ATXN2L: variants seen among roughly 807,000 people sequenced by gnomAD.
ATXN2L encodes ataxin 2 like, also known as ataxin-2-like protein.
A neutral mutation model predicts 120.7 loss-of-function variants in ATXN2L; 24 were observed. The ratio of observed to expected loss-of-function variants is 0.20; its 90% confidence interval spans 0.14 to 0.28. ATXN2L has a LOEUF of 0.28. Ranked by LOEUF, ATXN2L falls within the 10% of genes least tolerant of loss-of-function variation. The probability of loss-of-function intolerance (pLI) is 1.00; values close to 1 mark genes in which losing one functional copy is unlikely to be tolerated. For missense variants in ATXN2L, 1,312 were observed against 1,432.3 expected (o/e 0.92, Z 1.36); for synonymous variants, 653 against 568.1 (o/e 1.15, Z -2.13).
intron 18 of ATXN2L, 105 bp from the exon 19 acceptor site, chr16:28,834,953 G>A (rs1959673081): frequency 1.4e-6 from 2 of 1,423,800 alleles, no homozygotes; most frequent in South Asian, 1.3e-5. Flanking sequence ...GAATCAATAG[G>A]GTGATTGTGA....
In ATXN2L at chr16:28,823,024, G is replaced by A. The variant is rs1207523609; in HGVS notation, c.-236G>A. 21 of 212,154 alleles carry A rather than the reference G, an allele frequency of 9.9e-5. 1 individual carries two copies. In the Admixed American group the frequency reaches 1.2e-3, roughly 12 times the overall value. The allele number at this position is 212,154 out of a possible 1,614,324, so 13.1% of individuals were successfully genotyped here. On this transcript the variant is annotated 5_prime_UTR_variant, in exon 1 of 22. Coordinates refer to ENST00000336783, the MANE Select transcript of ATXN2L (RefSeq NM_007245.4). Reference sequence around the variant, plus strand: ...GGCGACGCGCACGCGCGCCAGCCCGGCTCGCGCCCTCTCGCTTTCCTCCAG... The same window carrying A: ...GGCGACGCGCACGCGCGCCAGCCCGACTCGCGCCCTCTCGCTTTCCTCCAG...
intron 1 of ATXN2L, chr16:28,824,487 C>T (rs564761829): frequency 1.6e-6 from 2 of 1,288,074 alleles, no homozygotes; most frequent in Non-Finnish European, 2.0e-6. Context: ...CCTCAACCGC[C>T]GGTTACATCA....
chr16:28,824,642 TTG>T (rs2051116778), intron 1 of ATXN2L: 20 of 1,159,152 alleles, frequency 1.7e-5, no homozygotes, highest in Non-Finnish European at 2.2e-5. Flanking sequence ...CTGAAAATGA[TTG>T]TCTTTTCTGT....
intron 1 of ATXN2L, chr16:28,824,317 G>A: frequency 8.3e-7 from 1 of 1,200,530 alleles, no homozygotes; most frequent in Non-Finnish European, 1.1e-6. Context: ...GGAATTAAGA[G>A]TGGCAGCACA....
Position 28,827,021 on chromosome 16 carries a change from A to C in ATXN2L, c.741+35A>C, listed in dbSNP as rs539553298. On this transcript the variant is annotated intron_variant, in intron 6 of 21. Transcript: ENST00000336783. ...CCTTCCCTGAGAACTTGGGAGCTGG[A>C]CAGACAGAATGGGTTGTTGACAGTG... 1.1e-5 allele frequency: 16 copies of C among 1,411,300 alleles called. No homozygotes were observed. In the South Asian group the frequency reaches 2.7e-4, roughly 24 times the overall value. 87.4% of individuals were successfully genotyped at this position (1,411,300 alleles called of 1,614,324 possible).
Position 28,823,568 on chromosome 16 carries a change from G to A in ATXN2L, c.299+10G>A. The stretch of plus-strand genomic sequence containing the variant: ...CCATCGGCAGCGCCAGGTGAGAAGG[G>A]TGGGCTCCGGGCGAGGGAGCCGCGG... On this transcript the variant is annotated intron_variant, in intron 1 of 21. Coordinates refer to ENST00000336783, the MANE Select transcript of ATXN2L (RefSeq NM_007245.4). The A allele has an allele frequency of 1.5e-6, 2 of 1,329,376 alleles. No homozygotes were observed. The highest frequency in any genetic ancestry group is 9.6e-7 in the Non-Finnish European group (1 of 1,043,112). The allele number at this position is 1,329,376 out of a possible 1,614,324, so 82.3% of individuals were successfully genotyped here.
intron 2 of ATXN2L, 107 bp from the exon 3 acceptor site, chr16:28,825,517 C>A: frequency 6.5e-7 from 1 of 1,531,706 alleles, no homozygotes; most frequent in Non-Finnish European, 9.0e-7. Context: ...GGGCTGTGGG[C>A]CCGGCACACA....
chr16:28,824,551 C>A (rs1287731674), intron 1 of ATXN2L: 3 of 1,286,166 alleles, frequency 2.3e-6, no homozygotes, highest in Middle Eastern at 2.1e-4. Flanking sequence ...GAGTGGGTAA[C>A]GGGCTGAATG....
At chr16:28,828,845 T>C (rs1471914364) in intron 6 of ATXN2L, among the ~76,000 whole-genome samples, 2 of 151,898 alleles carry the variant, frequency 1.3e-5, no homozygotes, top group Non-Finnish European at 2.9e-5. Flanking sequence ...AACCTCTGCC[T>C]CCCAGGTTCA....
Position 28,823,417 on chromosome 16 carries a change from C to T in ATXN2L, c.158C>T (p.Ala53Val), listed in dbSNP as rs761101605. Residue 53 changes from alanine (A) to valine (V), a missense_variant, in exon 1 of 22, where the codon GCG (alanine) becomes GTG (valine). Transcript: ENST00000336783. ...TCTGCGGCTCCTCCCGGGCCTCCAG[C>T]GGCCGCCTCCCCCTGCCTGGGGCCT... ...ATSAAPPGPP[A>V]AASPCLGPVA... 12 of 1,303,888 alleles carry T rather than the reference C, an allele frequency of 9.2e-6. No homozygotes were observed. In the South Asian group the frequency reaches 2.5e-4, roughly 27 times the overall value. 80.8% of individuals were successfully genotyped at this position (1,303,888 alleles called of 1,614,324 possible).
At position 28,835,541 on chromosome 16, in the gene ATXN2L, C is replaced by T. The variant is rs775801005; in HGVS notation, c.2686-8C>T. The T allele has an allele frequency of 6.2e-7, 1 of 1,613,230 alleles. No individual in the cohort carries two copies. ...CTGTGTGGCACTCAACCTTCCCCTC[C>T]CCAGCAGCATCAGGCGGGGCAGGCC... On this transcript the variant is annotated splice_region_variant and splice_polypyrimidine_tract_variant and intron_variant, in intron 20 of 21. Coordinates refer to ENST00000336783, the MANE Select transcript of ATXN2L (RefSeq NM_007245.4).
At position 28,836,618 on chromosome 16, in the gene ATXN2L, G is replaced by A; in HGVS notation, c.*353G>A. The A allele has an allele frequency of 1.3e-6, 2 of 1,597,336 alleles. No individual in the cohort carries two copies. The highest frequency in any genetic ancestry group is 1.7e-6 in the Non-Finnish European group (2 of 1,174,010). On this transcript the variant is annotated 3_prime_UTR_variant, in exon 22 of 22. Coordinates refer to ENST00000336783, the MANE Select transcript of ATXN2L (RefSeq NM_007245.4). ...GACAGCCCCCGAGACACCTTGAGGA[G>A]GCCGCTCCTTCCCAGACACACCCCC... is the stretch of plus-strand genomic sequence containing the variant.
intron 6 of ATXN2L, 55 bp downstream of exon 6, chr16:28,827,041 A>G (rs1295698719): frequency 2.9e-6 from 4 of 1,361,030 alleles, no homozygotes; most frequent in Non-Finnish European, 3.8e-6. Flanking sequence ...TGGGTTGTTG[A>G]CAGTGAGGTT....
In ATXN2L at chr16:28,823,043, C is replaced by A. The variant is rs575769191; in HGVS notation, c.-217C>A. On this transcript the variant is annotated 5_prime_UTR_variant, in exon 1 of 22. Transcript: ENST00000336783. ...AGCCCGGCTCGCGCCCTCTCGCTTT[C>A]CTCCAGCCGCGAGACCCCCTCCCCT... 3.0e-4 allele frequency: 94 copies of A among 314,778 alleles called. 1 individual carries two copies. Among genetic ancestry groups the A allele is most frequent in the African/African-American group, 1.7e-3 (77 of 45,230 alleles). The allele number at this position is 314,778 out of a possible 1,614,324, so 19.5% of individuals were successfully genotyped here.
In ATXN2L at chr16:28,829,948, G is replaced by A. The variant is rs375741616; in HGVS notation, c.924G>A (p.Gln308=). The change falls in exon 8 of 22, where the codon CAG becomes CAA. Residue 308 remains glutamine (Q), a synonymous_variant. Transcript: ENST00000336783. ...CTCGAGAGATTGAATCAAGCCCCCAGTACCGCCTACGGATCGCCATGGAGA... is the reference window on the plus strand; with the variant it reads ...CTCGAGAGATTGAATCAAGCCCCCAATACCGCCTACGGATCGCCATGGAGA... The part of the protein sequence containing the change: ...QLAREIESSP[Q]YRLRIAMEND... 25 of 1,614,104 alleles carry A rather than the reference G, an allele frequency of 1.5e-5. No individual in the cohort carries two copies. Among genetic ancestry groups the A allele is most frequent in the Non-Finnish European group, 2.1e-5 (25 of 1,180,058 alleles).
In ATXN2L at chr16:28,834,655, C is replaced by T; in HGVS notation, c.2395C>T (p.Pro799Ser). The T allele has an allele frequency of 6.2e-7, 1 of 1,613,930 alleles. No homozygotes were observed. Among genetic ancestry groups the T allele is most frequent in the Non-Finnish European group, 8.5e-7 (1 of 1,179,950 alleles). The change falls in exon 18 of 22, where the codon CCA becomes TCA. Residue 799 changes from proline to serine, a missense_variant. By Grantham distance (74) the Pro-to-Ser change is moderately conservative. Coordinates refer to ENST00000336783, the MANE Select transcript of ATXN2L (RefSeq NM_007245.4). ...CAACCCTCAGCAGTTCCCAGGCCAG[C>T]CAGCCATGATGCAGCCCATGGCCCA... ...PYNPQQFPGQPAMMQPMAHYP... is the reference protein window; with the variant it reads ...PYNPQQFPGQSAMMQPMAHYP...
Position 28,832,191 on chromosome 16 carries a change from C to G in ATXN2L, c.1322-14C>G. 6.2e-7 allele frequency: 1 copy of G among 1,613,958 alleles called. No homozygotes were observed. The highest frequency in any genetic ancestry group is 8.5e-7 in the Non-Finnish European group (1 of 1,179,896). On this transcript the variant is annotated splice_polypyrimidine_tract_variant and intron_variant, in intron 10 of 21. Coordinates refer to ENST00000336783, the MANE Select transcript of ATXN2L (RefSeq NM_007245.4). The stretch of plus-strand genomic sequence containing the variant: ...CCAGCAGTAACCATCCTACAGCTCC[C>G]CCTTTTCTTCCAGTGGGCCGGATGT...
rs552074799 is a variant in ATXN2L at position 28,831,017 on chromosome 16, G to C, written c.1266G>C (p.Leu422=). 6.2e-7 allele frequency: 1 copy of C among 1,611,232 alleles called. No homozygotes were observed. The highest frequency in any genetic ancestry group is 8.5e-7 in the Non-Finnish European group (1 of 1,179,646). Residue 422 remains leucine, a synonymous_variant, in exon 10 of 22, where the codon CTG becomes CTC. Transcript: ENST00000336783. ...GGCCTCTGAGAGGTGCCAAGACTCT[G>C]TCTTCGCCCAGTAATAGGCCTTCTG... ...AQRPLRGAKT[L]SSPSNRPSGE...
chr16:28,826,684 T>C, intron 5 of ATXN2L, 178 bp from the exon 6 acceptor site: 1 of 741,934 alleles, frequency 1.3e-6, no homozygotes, highest in South Asian at 2.5e-5. Flanking sequence ...CTGATAGACT[T>C]TTTATACTCT....
Sources: allele counts gnomAD v4.1 joint callset (sites outside exome capture counted in the v4.1 genomes callset), GRCh38; gene constraint gnomAD v4.1.1; transcripts MANE v1.5; gene names NCBI Gene and HGNC (gene_info 2026-07-23, HGNC 2026-07-21).